MAPK14: variants seen among roughly 807,000 people sequenced by gnomAD.
MAPK14 encodes CSAID-binding protein.
In MAPK14, 16 loss-of-function variants were observed where a neutral mutation model predicts 49.6. That is an observed-to-expected ratio of 0.32 (90% CI 0.22 to 0.49). The LOEUF is 0.49. Ranked by LOEUF, MAPK14 falls within the 20% of genes least tolerant of loss-of-function variation. MAPK14 has a pLI of 0.99. For synonymous variants in MAPK14, 142 were observed against 158.0 expected (o/e 0.90, Z 0.76); for missense variants, 200 against 441.2 (o/e 0.45, Z 4.90).
intron 9 of MAPK14, chr6:36,100,333 G>C (rs548872051): frequency 3.4e-6 from 4 of 1,192,076 alleles, no homozygotes; most frequent in Non-Finnish European, 5.0e-6. Flanking sequence ...TATTGCCACC[G>C]TATAACCAAC....
At position 36,101,575 on chromosome 6, in the gene MAPK14, T is replaced by A. The variant is rs532154010; in HGVS notation, c.763-996T>A. Among the ~76,000 whole-genome samples the A allele has an allele frequency of 4.7e-4, 72 of 152,076 alleles. No homozygotes were observed. In the South Asian group the frequency reaches 6.9e-3, roughly 14 times the overall value. The stretch of plus-strand genomic sequence containing the variant: ...ATCTTAGCTCACTGGAACCTCCACC[T>A]CCTGGGCTCAAGCTTCCTGGGCTCC... On this transcript the variant is annotated intron_variant, in intron 9 of 11. Transcript: ENST00000229794.
chr6:36,065,729 C>T (rs1764028357), intron 3 of MAPK14, among the ~76,000 whole-genome samples: 2 of 152,188 alleles, frequency 1.3e-5, no homozygotes, highest in South Asian at 2.1e-4. Context: ...TGTGGGATGA[C>T]ATAGTTACAA....
chr6:36,028,325 C>T lies in MAPK14; in HGVS notation c.116+52C>T. 7.5e-7 allele frequency: 1 copy of T among 1,329,744 alleles called. No individual in the cohort carries two copies. Among genetic ancestry groups the T allele is most frequent in the Non-Finnish European group, 1.1e-6 (1 of 924,360 alleles). The allele number at this position is 1,329,744 out of a possible 1,614,324, so 82.4% of individuals were successfully genotyped here. On this transcript the variant is annotated intron_variant, in intron 1 of 11. Transcript: ENST00000229794. This position sits in a 1 kb window ranked among gnomAD's most constrained non-coding sequence, Gnocchi z 5.1. ...TGTGGGCAGGGTGGCCCCTCGCGCC[C>T]GAGGGCCAGGCCTGCTCCACTGCTC... is the stretch of plus-strand genomic sequence containing the variant.
intron 1 of MAPK14, among the ~76,000 whole-genome samples, chr6:36,043,262 T>C (rs1054722397): frequency 1.3e-5 from 2 of 152,230 alleles, no homozygotes; most frequent in African/African-American, 4.8e-5. Context: ...AGCGAAGATA[T>C]TAAAGCTAAT....
At chr6:36,071,819 T>C (rs1385643762) in intron 3 of MAPK14, among the ~76,000 whole-genome samples, 1 of 152,196 alleles carries the variant, frequency 6.6e-6, no homozygotes, top group African/African-American at 2.4e-5. Context: ...AGAAAACTGA[T>C]ACTGACACAT....
chr6:36,044,423 G>T (rs747899156), intron 1 of MAPK14, among the ~76,000 whole-genome samples: 7 of 152,062 alleles, frequency 4.6e-5, no homozygotes, highest in Admixed American at 1.3e-4. Context: ...ATGGGCACTT[G>T]TCCAGCACCT....
intron 8 of MAPK14, among the ~76,000 whole-genome samples, chr6:36,077,339 A>G (rs1450168366): frequency 6.6e-6 from 1 of 152,144 alleles, no homozygotes; most frequent in African/African-American, 2.4e-5. Flanking sequence ...TTTAGGTGAG[A>G]AAGATTGTTA....
chr6:36,051,356 G>A (rs894853970), intron 1 of MAPK14, among the ~76,000 whole-genome samples: 2 of 152,036 alleles, frequency 1.3e-5, no homozygotes, highest in South Asian at 2.1e-4. Context: ...TGATCCTCCC[G>A]CCTCGGCCTC....
At chr6:36,122,488 G>A in the MAPK14 span, among the ~76,000 whole-genome samples, 3 of 152,188 alleles carry the variant, frequency 2.0e-5, no homozygotes, top group African/African-American at 4.8e-5. Flanking sequence ...CCTGCCATTC[G>A]GCCAGTCACC....
intron 1 of MAPK14, among the ~76,000 whole-genome samples, chr6:36,043,253 G>A (rs1408524302): frequency 1.3e-5 from 2 of 152,150 alleles, no homozygotes; most frequent in African/African-American, 4.8e-5. Context: ...TTGAGAGTTA[G>A]CGAAGATATT....
intron 9 of MAPK14, chr6:36,096,376 A>G (rs989634813): frequency 1.2e-5 from 3 of 252,446 alleles, no homozygotes; most frequent in Admixed American, 5.2e-5. Context: ...GATTAATGTA[A>G]ACTTTGTGTC....
downstream of MAPK14, among the ~76,000 whole-genome samples, chr6:36,115,601 A>G (rs1293891694): frequency 2.0e-5 from 3 of 151,866 alleles, no homozygotes; most frequent in African/African-American, 4.8e-5. Flanking sequence ...CCTGGCCAAC[A>G]TGGAGAAACC....
At chr6:36,030,207 C>T (rs1319980328) in intron 1 of MAPK14, among the ~76,000 whole-genome samples, 1 of 152,096 alleles carries the variant, frequency 6.6e-6, no homozygotes, top group African/African-American at 2.4e-5. Context: ...TGGTGACTAG[C>T]TCTGCACTGG....
At chr6:36,122,523 CGTGGA>C in the MAPK14 span, among the ~76,000 whole-genome samples, 1 of 152,184 alleles carries the variant, frequency 6.6e-6, no homozygotes, top group African/African-American at 2.4e-5. Context: ...CTTCCAGGTA[CGTGGA>C]ATTCAGTGAT....
intron 10 of MAPK14, among the ~76,000 whole-genome samples, chr6:36,106,457 A>C (rs896669634): frequency 1.3e-5 from 2 of 152,230 alleles, no homozygotes; most frequent in Non-Finnish European, 2.9e-5. Context: ...CCTGGTTTCA[A>C]CAAACTAGTT....
intron 3 of MAPK14, among the ~76,000 whole-genome samples, chr6:36,061,101 A>T (rs1763804227): frequency 6.6e-6 from 1 of 152,222 alleles, no homozygotes; most frequent in Non-Finnish European, 1.5e-5. Flanking sequence ...GATGGTTTTT[A>T]AAAATAGTTT....
At chr6:36,087,297 A>AAAAG (rs748346389) in intron 8 of MAPK14, among the ~76,000 whole-genome samples, 4 of 152,182 alleles carry the variant, frequency 2.6e-5, no homozygotes, top group African/African-American at 9.6e-5. Context: ...GCAATCAGGC[A>AAAAG]AAAGAAAGAA....
At chr6:36,092,848 A>G (rs978558782) in intron 8 of MAPK14, among the ~76,000 whole-genome samples, 3 of 152,186 alleles carry the variant, frequency 2.0e-5, no homozygotes, top group Non-Finnish European at 2.9e-5. Context: ...GTATTTATCA[A>G]GCTGCTCTGT....
intron 3 of MAPK14, 104 bp from the exon 4 acceptor site, chr6:36,072,769 C>T: frequency 1.6e-6 from 1 of 629,768 alleles, no homozygotes; most frequent in Admixed American, 3.2e-5. Context: ...ATTTCAAAAA[C>T]AAAAACAAAA....
Sources: gnomAD v4.1 joint callset for allele counts (sites outside exome capture counted in the v4.1 genomes callset) on GRCh38, gnomAD v4.1.1 for gene constraint, Gnocchi (gnomAD v3.1) non-coding constraint, MANE v1.5 for transcripts, NCBI Gene and HGNC (gene_info 2026-07-23, HGNC 2026-07-21) for gene names.